Variants in KANSL2 observed in about 807,000 individuals in gnomAD.
KANSL2 encodes KAT8 regulatory NSL complex subunit 2, also known as NSL complex protein NSL2.
Under a neutral mutation model 55.6 loss-of-function variants are expected in KANSL2, and 34 were observed. That is an observed-to-expected ratio of 0.61 (90% CI 0.46 to 0.81). KANSL2 has a LOEUF of 0.81. Among genes scored for constraint, KANSL2 ranks in the 40% least tolerant of loss-of-function variants. The pLI is 0.00. For synonymous variants in KANSL2, 209 were observed against 214.3 expected, an observed-to-expected ratio of 0.98 and a Z score of 0.22; for missense variants, 502 against 609.9, an observed-to-expected ratio of 0.82 and a Z score of 1.86.
chr12:48,669,310 ATCCATC>A, intron 5 of KANSL2, 38 bp from the exon 6 acceptor site: 1 of 1,479,294 alleles, frequency 6.8e-7, no homozygotes, highest in Non-Finnish European at 9.0e-7. Context: ...TTGCCAAGCA[ATCCATC>A]AAGGTTACGT....
intron 7 of KANSL2, chr12:48,661,304 ACATT>A (rs1420708542): frequency 4.4e-5 from 26 of 594,308 alleles, no homozygotes; most frequent in Non-Finnish European, 4.9e-5. Flanking sequence ...TATTCTAGAA[ACATT>A]CCAAGGACTC....
At position 48,669,175 on chromosome 12, in the gene KANSL2, T is replaced by G. The variant is rs1411759466; in HGVS notation, c.807A>C (p.Gly269=). The G allele has an allele frequency of 2.6e-6, 4 of 1,552,904 alleles. No homozygotes were observed. Among genetic ancestry groups the G allele is most frequent in the Admixed American group, 3.9e-5 (2 of 51,066 alleles). ...KCLRRYRQRY[G]VEALLHRQLK... ...ACTGCCTATGCAGTAAGGCTTCCAC[T>G]CCATAGCGCTGGCGGTATCGTCGCA... The change falls in exon 6 of 10, where the codon GGA becomes GGC. Residue 269 remains glycine (G), a synonymous_variant. Transcript: ENST00000420613.
chr12:48,667,116 G>A (rs933963670), intron 7 of KANSL2, among the ~76,000 whole-genome samples: 1 of 151,570 alleles, frequency 6.6e-6, no homozygotes, highest in Non-Finnish European at 1.5e-5. Flanking sequence ...GCAGTGAGGT[G>A]GAGGTTGCAG....
At chr12:48,661,170 CT>C (rs1298802538) in intron 7 of KANSL2, 1 of 843,200 alleles carries the variant, frequency 1.2e-6, no homozygotes, top group Admixed American at 6.2e-5. Context: ...GTATCATATC[CT>C]AACAAGAAAT....
intron 8 of KANSL2, chr12:48,656,667 A>AT: frequency 2.0e-6 from 1 of 510,710 alleles, no homozygotes; most frequent in South Asian, 1.4e-5. Flanking sequence ...TTCCAACTGA[A>AT]TTGGCAATTC....
At chr12:48,654,791 T>C (rs1939345703) in intron 9 of KANSL2, 150 bp downstream of exon 9, 3 of 780,970 alleles carry the variant, frequency 3.8e-6, no homozygotes, top group Admixed American at 2.9e-5. Context: ...TTTGCTTATA[T>C]GGTATTCAAT....
At chr12:48,676,048 A>C (rs1268747742) in intron 4 of KANSL2, among the ~76,000 whole-genome samples, 2 of 152,182 alleles carry the variant, frequency 1.3e-5, no homozygotes, top group Non-Finnish European at 2.9e-5. Flanking sequence ...GGAAATGAAA[A>C]TTTAACAATT....
chr12:48,668,271 TG>T (rs1421179919), intron 6 of KANSL2, among the ~76,000 whole-genome samples: 1 of 152,244 alleles, frequency 6.6e-6, no homozygotes, highest in Non-Finnish European at 1.5e-5. Context: ...TGCTTATTTC[TG>T]AACTGAAGAA....
intron 7 of KANSL2, chr12:48,662,585 C>A: frequency 7.8e-7 from 1 of 1,285,358 alleles, no homozygotes; most frequent in Non-Finnish European, 1.0e-6. Context: ...CCTTCACTTT[C>A]AGTCGAGTGC....
Position 48,681,665 on chromosome 12 carries a change from A to C in KANSL2, c.-9-24T>G, listed in dbSNP as rs780867062. 28 of 1,613,584 alleles carry C rather than the reference A, an allele frequency of 1.7e-5. No individual in the cohort carries two copies. In the Middle Eastern group the frequency reaches 9.9e-4, roughly 57 times the overall value. On this transcript the variant is annotated intron_variant, in intron 1 of 9. Coordinates refer to ENST00000420613, the MANE Select transcript of KANSL2 (RefSeq NM_017822.4). ...ACCTGCGGGGTCAAACGAAAGACCA[A>C]AAAGCCCTTACCCTTCCCGAAAATT...
intron 8 of KANSL2, 143 bp downstream of exon 8, chr12:48,660,223 T>A: frequency 1.3e-6 from 1 of 772,226 alleles, no homozygotes; most frequent in East Asian, 2.7e-5. Flanking sequence ...ATGAATATGC[T>A]AACATATAAA....
chr12:48,679,607 C>T, intron 3 of KANSL2, 48 bp downstream of exon 3: 1 of 1,526,328 alleles, frequency 6.6e-7, no homozygotes. Context: ...AAATAGTTCC[C>T]CCTTAACTTT....
intron 6 of KANSL2, 151 bp downstream of exon 6, chr12:48,668,955 G>C (rs937251038): frequency 1.9e-6 from 1 of 514,146 alleles, no homozygotes; most frequent in Non-Finnish European, 3.2e-6. Context: ...AGAATTGCTT[G>C]AAACTGGGAG....
intron 5 of KANSL2, 61 bp downstream of exon 5, chr12:48,671,738 T>C: frequency 2.7e-6 from 4 of 1,502,606 alleles, no homozygotes; most frequent in Non-Finnish European, 3.6e-6. Context: ...GACACATGAC[T>C]GTACTACCAA....
chr12:48,665,020 C>G (rs1939567790), intron 7 of KANSL2, among the ~76,000 whole-genome samples: 1 of 151,608 alleles, frequency 6.6e-6, no homozygotes, highest in African/African-American at 2.4e-5. Flanking sequence ...CAGTCACATG[C>G]CATCGTGACC....
At chr12:48,656,610 T>TAAA in intron 8 of KANSL2, 343 of 325,854 alleles carry the variant, frequency 1.1e-3, no homozygotes, top group East Asian at 1.7e-3. Flanking sequence ...TTTTGCTCTG[T>TAAA]AAAAAAAAAA....
chr12:48,661,312 AGGACTC>A (rs1362240219), intron 7 of KANSL2: 26 of 515,096 alleles, frequency 5.0e-5, no homozygotes, highest in Non-Finnish European at 5.7e-5. Context: ...AAACATTCCA[AGGACTC>A]TATTAACAAC....
intron 8 of KANSL2, among the ~76,000 whole-genome samples, chr12:48,656,277 G>GTTTT (rs5798084): frequency 7.1e-6 from 1 of 140,708 alleles, no homozygotes; most frequent in Non-Finnish European, 1.5e-5. Flanking sequence ...TTTTTGTTTT[G>GTTTT]TTTTTTTTTT....
At chr12:48,681,871 T>G (rs769530977) in intron 1 of KANSL2, 1 of 704,524 alleles carries the variant, frequency 1.4e-6, no homozygotes, top group Non-Finnish European at 2.6e-6. Flanking sequence ...GCTGAATGTA[T>G]CTTCAGGACT....
Sources: allele counts gnomAD v4.1 joint callset (sites outside exome capture counted in the v4.1 genomes callset), GRCh38; gene constraint gnomAD v4.1.1; transcripts MANE v1.5; gene names NCBI Gene and HGNC (gene_info 2026-07-23, HGNC 2026-07-21).